RBFOX1: variants seen among roughly 807,000 people sequenced by gnomAD.
The protein encoded by RBFOX1 is RNA binding protein fox-1 homolog 1.
A neutral mutation model predicts 57.7 loss-of-function variants in RBFOX1; 8 were observed. The observed-to-expected ratio is 0.14, with a 90% CI of 0.08 to 0.25. RBFOX1 has a LOEUF of 0.25. RBFOX1 is among the 10% of genes least tolerant of loss of function. The probability of loss-of-function intolerance (pLI) is 1.00; values close to 1 mark genes in which losing one functional copy is unlikely to be tolerated. For synonymous variants in RBFOX1, 326 were observed against 222.4 expected, an observed-to-expected ratio of 1.47 and a Z score of -4.15; for missense variants, 611 against 548.5, an observed-to-expected ratio of 1.11 and a Z score of -1.14.
intron 4 of RBFOX1, among the ~76,000 whole-genome samples, chr16:5,939,778 T>C (rs1327800948): frequency 1.3e-5 from 2 of 152,112 alleles, no homozygotes; most frequent in Non-Finnish European, 2.9e-5. Context: ...ACATAGATAA[T>C]TGAAATGTTT....
At position 7,034,848 on chromosome 16, in the gene RBFOX1, C is replaced by CTTTTTTTTTTTTTTT. The variant is rs58405378; in HGVS notation, c.-15-17205_-15-17191dup. 4.9e-3 allele frequency among the ~76,000 whole-genome samples: 152 copies of CTTTTTTTTTTTTTTT among 30,832 alleles called. 22 individuals are homozygous for CTTTTTTTTTTTTTTT. The highest frequency in any genetic ancestry group is 0.024 in the African/African-American group (139 of 5,746). 20.2% of individuals were successfully genotyped at this position (30,832 alleles called of 152,430 possible). ...ATTACTTTTTTTTTTTTTCTTTTTT[C>CTTTTTTTTTTTTTTT]TTTTTTTTTTTTTTTTTTGAGATGG... On this transcript the variant is annotated intron_variant, in intron 3 of 15. Transcript: ENST00000550418.
intron 3 of RBFOX1, among the ~76,000 whole-genome samples, chr16:5,747,907 C>T (rs1204839146): frequency 6.6e-6 from 1 of 151,974 alleles, no homozygotes; most frequent in African/African-American, 2.4e-5. Context: ...TATTTCTTGC[C>T]TTCTGCTAGC....
intron 1 of RBFOX1, among the ~76,000 whole-genome samples, chr16:5,423,295 C>T (rs1395311820): frequency 1.3e-5 from 2 of 152,072 alleles, no homozygotes; most frequent in Non-Finnish European, 2.9e-5. Context: ...GTTCACTAAA[C>T]CACAGACCCT....
chr16:6,930,137 G>C (rs1186849814), intron 3 of RBFOX1, among the ~76,000 whole-genome samples: 7 of 152,198 alleles, frequency 4.6e-5, no homozygotes, highest in Admixed American at 2.0e-4. Flanking sequence ...CCCTCAATCT[G>C]TGCTAGGGAA....
Position 7,712,156 on chromosome 16 carries a change from C to T in RBFOX1, c.*1411C>T, listed in dbSNP as rs745477369. 1 of 152,580 alleles carries T rather than the reference C, an allele frequency of 6.6e-6. No individual in the cohort carries two copies. The highest frequency in any genetic ancestry group is 1.5e-5 in the Non-Finnish European group (1 of 68,032). The allele number at this position is 152,580 out of a possible 1,614,324, so 9.5% of individuals were successfully genotyped here. On this transcript the variant is annotated 3_prime_UTR_variant, in exon 16 of 16. Transcript: ENST00000550418. ...TGTCTGTACTTCTGTTTGAACTTTCCACGTTGTCCTGTTTACAAGTTAACT... is the reference window on the plus strand; with the variant it reads ...TGTCTGTACTTCTGTTTGAACTTTCTACGTTGTCCTGTTTACAAGTTAACT...
intron 3 of RBFOX1, among the ~76,000 whole-genome samples, chr16:6,826,484 G>A (rs1233175680): frequency 6.6e-6 from 1 of 152,124 alleles, no homozygotes; most frequent in Non-Finnish European, 1.5e-5. Flanking sequence ...AAATAACCTA[G>A]AACAGTGCCT....
chr16:5,729,255 C>T (rs963211650), intron 3 of RBFOX1, among the ~76,000 whole-genome samples: 2 of 152,058 alleles, frequency 1.3e-5, no homozygotes, highest in African/African-American at 4.8e-5. Flanking sequence ...ATGCTTCATA[C>T]CTAGAGGTTA....
At chr16:7,166,614 G>A (rs2079555795) in intron 4 of RBFOX1, among the ~76,000 whole-genome samples, 1 of 152,142 alleles carries the variant, frequency 6.6e-6, no homozygotes, top group Admixed American at 6.5e-5. Context: ...TGTTGTCATG[G>A]ACTGGCCCTC....
intron 4 of RBFOX1, among the ~76,000 whole-genome samples, chr16:5,971,876 A>G (rs1470222206): frequency 1.3e-5 from 2 of 152,236 alleles, no homozygotes; most frequent in Non-Finnish European, 2.9e-5. Flanking sequence ...TAGACTGAGT[A>G]AAGCAGATGG....
In RBFOX1 at chr16:7,318,813, G is replaced by C. The variant is rs12596472; in HGVS notation, c.28-199334G>C. On this transcript the variant is annotated intron_variant, in intron 4 of 15. Coordinates refer to ENST00000550418, the MANE Select transcript of RBFOX1 (RefSeq NM_018723.4). ...CCCATCTCTCCATGTGTTCTGCGTAGAACAGGTGTGTGGTGAGCCGAAGTT... is the reference window on the plus strand; with the variant it reads ...CCCATCTCTCCATGTGTTCTGCGTACAACAGGTGTGTGGTGAGCCGAAGTT... Among the ~76,000 whole-genome samples the C allele has an allele frequency of 4.1e-4, 62 of 152,248 alleles. No individual in the cohort carries two copies. The East Asian group carries it at 9.5e-3, about 23-fold the overall frequency.
intron 3 of RBFOX1, among the ~76,000 whole-genome samples, chr16:6,740,173 C>T (rs2071623315): frequency 6.6e-6 from 1 of 152,126 alleles, no homozygotes; most frequent in African/African-American, 2.4e-5. Context: ...AAATCACATG[C>T]TCACATTAGC....
At chr16:7,186,611 C>CTT (rs2083899450) in intron 4 of RBFOX1, among the ~76,000 whole-genome samples, 3 of 138,458 alleles carry the variant, frequency 2.2e-5, no homozygotes, top group African/African-American at 8.3e-5. Context: ...TAAATATAAG[C>CTT]ATAAACATAT....
chr16:6,002,512 A>G (rs1426215119), intron 4 of RBFOX1, among the ~76,000 whole-genome samples: 1 of 152,176 alleles, frequency 6.6e-6, no homozygotes, highest in African/African-American at 2.4e-5. Flanking sequence ...TTCTTTGCCC[A>G]TGAGTTTGAA....
In RBFOX1 at chr16:5,818,688, G is replaced by C. The variant is rs897468214; in HGVS notation, c.319-48615G>C. ...CAGCATGGGAGGAAGAAAACAGAGA[G>C]TCTTGACCGTAGAGGGGACAACAAA... On this transcript the variant is annotated intron_variant, in intron 3 of 19. Transcript: ENST00000641259. 2.6e-5 allele frequency among the ~76,000 whole-genome samples: 4 copies of C among 152,200 alleles called. No homozygotes were observed. In the East Asian group the frequency reaches 7.7e-4, roughly 29 times the overall value.
intron 2 of RBFOX1, among the ~76,000 whole-genome samples, chr16:5,556,683 G>T (rs1253753761): frequency 6.6e-6 from 1 of 152,158 alleles, no homozygotes; most frequent in African/African-American, 2.4e-5. Flanking sequence ...CCTTCCATGT[G>T]ATACTCTTTG....
chr16:5,856,191 A>G (rs372382334), intron 3 of RBFOX1, among the ~76,000 whole-genome samples: 6 of 51,490 alleles, frequency 1.2e-4, no homozygotes, highest in African/African-American at 3.6e-4. Context: ...CTCTCTCTAT[A>G]TATATATATA....
chr16:6,428,262 G>C (rs2093984711), intron 2 of RBFOX1, among the ~76,000 whole-genome samples: 1 of 134,794 alleles, frequency 7.4e-6, no homozygotes, highest in Admixed American at 8.3e-5. Flanking sequence ...CTCCAGCCTG[G>C]ACAACAGAGG....
intron 3 of RBFOX1, among the ~76,000 whole-genome samples, chr16:6,779,901 ATATATATT>A (rs1269636268): frequency 0.025 from 357 of 14,048 alleles, 94 homozygotes; most frequent in Non-Finnish European, 0.031. Context: ...ATATATATTT[ATATATATT>A]TATATATTTA....
intron 2 of RBFOX1, among the ~76,000 whole-genome samples, chr16:6,598,476 G>T (rs1404955001): frequency 2.0e-5 from 3 of 152,110 alleles, no homozygotes; most frequent in African/African-American, 7.2e-5. Flanking sequence ...CTATTAATCA[G>T]TCTGTAGAAA....
Sources: allele counts gnomAD v4.1 joint callset (sites outside exome capture counted in the v4.1 genomes callset), GRCh38; gene constraint gnomAD v4.1.1; transcripts MANE v1.5; gene names NCBI Gene and HGNC (gene_info 2026-07-23, HGNC 2026-07-21).